Variants in LRRC7 observed in about 807,000 individuals in gnomAD.
LRRC7 encodes leucine-rich repeat-containing protein 7.
LRRC7 carries 23 observed loss-of-function variants against 175.7 expected under a neutral mutation model. The ratio of observed to expected loss-of-function variants is 0.13; its 90% CI spans 0.09 to 0.19. LRRC7 has a LOEUF of 0.19. Among genes scored for constraint, LRRC7 ranks in the 10% least tolerant of loss-of-function variants. The pLI is 1.00. For missense variants in LRRC7, 1,354 were observed against 1,904.7 expected (o/e 0.71, Z 5.38); for synonymous variants, 685 against 680.9 (o/e 1.01, Z -0.09).
At chr1:70,062,355 A>T (rs1245407038) in intron 23 of LRRC7, among the ~76,000 whole-genome samples, 1 of 152,118 alleles carries the variant, frequency 6.6e-6, no homozygotes, top group Non-Finnish European at 1.5e-5. Context: ...CTTTTACGTA[A>T]CTTTGCCAGT....
chr1:70,016,082 A>G (rs1656938025), intron 13 of LRRC7, among the ~76,000 whole-genome samples: 1 of 152,202 alleles, frequency 6.6e-6, no homozygotes, highest in Non-Finnish European at 1.5e-5. Context: ...CTAAGAGTGA[A>G]TAGATACGTG....
intron 8 of LRRC7, among the ~76,000 whole-genome samples, chr1:69,967,247 AT>A (rs1488956892): frequency 1.3e-5 from 2 of 152,096 alleles, no homozygotes; most frequent in Non-Finnish European, 2.9e-5. Context: ...ACATAACTCC[AT>A]GGGACCTGGG....
chr1:69,883,811 C>G (rs1686886243), intron 7 of LRRC7, among the ~76,000 whole-genome samples: 1 of 92,820 alleles, frequency 1.1e-5, no homozygotes, highest in Non-Finnish European at 2.3e-5. Context: ...AGGAAGGGAT[C>G]CAGTTTCAGC....
intron 2 of LRRC7, among the ~76,000 whole-genome samples, chr1:69,740,136 G>A (rs1668549137): frequency 6.6e-6 from 1 of 152,088 alleles, no homozygotes; most frequent in Admixed American, 6.6e-5. Context: ...ACCATGGATG[G>A]CTGGATAAGT....
chr1:69,856,312 A>G (rs1455287014), intron 7 of LRRC7, among the ~76,000 whole-genome samples: 2 of 152,194 alleles, frequency 1.3e-5, no homozygotes, highest in Non-Finnish European at 2.9e-5. Context: ...CAAAATATCA[A>G]TGAATCCAGG....
rs751522787 is a variant in LRRC7, at chr1:70,039,233, G to A, written c.3409G>A (p.Val1137Met). 4 of 1,613,840 alleles carry A rather than the reference G, an allele frequency of 2.5e-6. No individual in the cohort carries two copies. Among genetic ancestry groups the A allele is most frequent in the Non-Finnish European group, 3.4e-6 (4 of 1,179,996 alleles). The change falls in exon 21 of 27, where the codon GTG becomes ATG. Residue 1137 changes from valine to methionine, a missense_variant. Physicochemically the swap from Val to Met is conservative, Grantham distance 21. This residue lies in a region of LRRC7 where 1,032 missense variants were observed against 1,227.2 expected (regional missense o/e 0.84). Coordinates refer to ENST00000651989, the MANE Select transcript of LRRC7 (RefSeq NM_001370785.2). ...SQPSVNEDAV[V>M]NAQFASQGAR... ...GCCATCTGTGAATGAGGATGCTGTGGTGAATGCCCAGTTCGCAAGCCAAGG... is the reference window on the plus strand; with the variant it reads ...GCCATCTGTGAATGAGGATGCTGTGATGAATGCCCAGTTCGCAAGCCAAGG...
At chr1:69,986,824 A>G (rs1054114465) in intron 10 of LRRC7, among the ~76,000 whole-genome samples, 6 of 152,252 alleles carry the variant, frequency 3.9e-5, no homozygotes, top group African/African-American at 1.4e-4. Context: ...TAAAAAGTAT[A>G]AACATAAAAT....
intron 3 of LRRC7, among the ~76,000 whole-genome samples, chr1:69,790,193 T>C (rs1054381130): frequency 3.9e-5 from 6 of 152,038 alleles, no homozygotes; most frequent in Admixed American, 2.0e-4. Context: ...GCAAGGAAAC[T>C]GATGAGTTCA....
At chr1:70,015,007 GC>G (rs1656842586) in intron 13 of LRRC7, among the ~76,000 whole-genome samples, 2 of 151,962 alleles carry the variant, frequency 1.3e-5, no homozygotes. Context: ...TTGACATTCT[GC>G]TTTTAATATA....
intron 4 of LRRC7, among the ~76,000 whole-genome samples, chr1:69,809,621 C>T (rs1414962387): frequency 1.3e-5 from 2 of 152,034 alleles, no homozygotes; most frequent in African/African-American, 2.4e-5. Context: ...TGGTTCAACA[C>T]ACGCAAATCA....
At chr1:70,093,669 T>C (rs1447946073) in intron 25 of LRRC7, among the ~76,000 whole-genome samples, 1 of 152,144 alleles carries the variant, frequency 6.6e-6, no homozygotes, top group Non-Finnish European at 1.5e-5. Context: ...GGAGTCAGCA[T>C]GTATTCTCTG....
chr1:69,734,320 T>G (rs1236287067), intron 2 of LRRC7, among the ~76,000 whole-genome samples: 2 of 151,858 alleles, frequency 1.3e-5, no homozygotes, highest in Non-Finnish European at 2.9e-5. Context: ...GAAGGGATGA[T>G]TTTGAATATG....
intron 11 of LRRC7, among the ~76,000 whole-genome samples, chr1:69,995,621 T>G (rs186836383): frequency 6.6e-6 from 1 of 151,154 alleles, no homozygotes; most frequent in East Asian, 2.0e-4. Flanking sequence ...TTCTCATTGT[T>G]CAAGTCCCAC....
At position 69,905,594 on chromosome 1, in the gene LRRC7, T is replaced by G. The variant is rs547288276; in HGVS notation, c.648-25913T>G. Among the ~76,000 whole-genome samples the G allele has an allele frequency of 4.6e-5, 7 of 152,302 alleles. No individual in the cohort carries two copies. The East Asian group carries it at 1.4e-3, about 29-fold the overall frequency. On this transcript the variant is annotated intron_variant, in intron 7 of 26. Transcript: ENST00000651989. ...TGTACAAAGGACATGAACTCTTCAT[T>G]TTTTATGGCTGCATAGTATTCCGTG...
intron 18 of LRRC7, among the ~76,000 whole-genome samples, chr1:70,034,236 TA>T (rs1269038843): frequency 1.3e-5 from 2 of 152,154 alleles, no homozygotes; most frequent in Non-Finnish European, 2.9e-5. Flanking sequence ...TCTGTCACCT[TA>T]AAACTGTCAT....
At chr1:69,885,494 G>C (rs1436469916) in intron 7 of LRRC7, among the ~76,000 whole-genome samples, 2 of 142,282 alleles carry the variant, frequency 1.4e-5, no homozygotes, top group African/African-American at 5.7e-5. Flanking sequence ...GTGTCTATTT[G>C]ATTCTTCTCT....
intron 2 of LRRC7, among the ~76,000 whole-genome samples, chr1:69,742,452 T>C (rs1383938169): frequency 1.5e-5 from 2 of 129,350 alleles, no homozygotes; most frequent in Non-Finnish European, 3.6e-5. Flanking sequence ...TATATAATCA[T>C]ATATTTTATA....
intron 7 of LRRC7, among the ~76,000 whole-genome samples, chr1:69,910,920 C>G (rs1172367035): frequency 1.3e-5 from 2 of 152,228 alleles, no homozygotes; most frequent in Non-Finnish European, 2.9e-5. Context: ...CCTTCCCCAG[C>G]CTCGCTGCCG....
Position 69,760,403 on chromosome 1 carries a change from G to T in LRRC7, c.303+10G>T. On this transcript the variant is annotated intron_variant, in intron 3 of 26. Transcript: ENST00000651989. Reference sequence around the variant, plus strand: ...TGAAGAACTACCCAAGGTAACTTTTGACAACCTAAAATATACAATGTAAAT... The same window carrying T: ...TGAAGAACTACCCAAGGTAACTTTTTACAACCTAAAATATACAATGTAAAT... The T allele has an allele frequency of 6.2e-7, 1 of 1,604,278 alleles. No homozygotes were observed. Among genetic ancestry groups the T allele is most frequent in the South Asian group, 1.1e-5 (1 of 90,786 alleles).
Sources: allele counts gnomAD v4.1 joint callset (sites outside exome capture counted in the v4.1 genomes callset), GRCh38; gene constraint gnomAD v4.1.1; regional missense constraint gnomAD v4.1.1; transcripts MANE v1.5; gene names NCBI Gene and HGNC (gene_info 2026-07-23, HGNC 2026-07-21).